Variants in DPF1 observed in about 807,000 individuals in gnomAD.
DPF1 encodes the protein double PHD fingers 1, also known as zinc finger protein neuro-d4.
A neutral mutation model predicts 58.7 loss-of-function variants in DPF1; 14 were observed. That is an observed-to-expected ratio of 0.24 (90% CI 0.16 to 0.37). The LOEUF (loss-of-function observed/expected upper bound fraction) is 0.37. DPF1 is among the 10% of genes least tolerant of loss of function. The pLI, the probability that DPF1 is intolerant of heterozygous loss-of-function variation, is 1.00. For synonymous variants in DPF1, 216 were observed against 216.0 expected (o/e 1.00, Z 0.00); for missense variants, 345 against 529.9 (o/e 0.65, Z 3.43).
At chr19:38,227,447 C>T (rs1323634465), upstream of DPF1, among the ~76,000 whole-genome samples, 3 of 152,060 alleles carry the variant, frequency 2.0e-5, no homozygotes, top group Non-Finnish European at 2.9e-5. Context: ...TTCCTTCTGC[C>T]CTAACCACCT....
chr19:38,217,281 C>A, intron 7 of DPF1, 179 bp downstream of exon 7: 1 of 748,066 alleles, frequency 1.3e-6, no homozygotes. Flanking sequence ...AGCGAAGGAG[C>A]GATGGTTGGT....
intron 6 of DPF1, 85 bp from the exon 7 acceptor site, chr19:38,217,676 C>G (rs565385226): frequency 3.9e-6 from 6 of 1,542,602 alleles, no homozygotes; most frequent in African/African-American, 2.7e-5. Context: ...CACACCTCCC[C>G]CCTCAGCCAG....
At chr19:38,223,856 T>G in intron 1 of DPF1, 1 of 370,064 alleles carries the variant, frequency 2.7e-6, no homozygotes, top group Non-Finnish European at 4.7e-6. Context: ...ACCCGAGGGT[T>G]GCAGGGAAGG....
rs367964029 is a variant in DPF1, at chr19:38,222,511, G to T, written c.190+37C>A. 39 of 1,600,772 alleles carry T rather than the reference G, an allele frequency of 2.4e-5. No individual in the cohort carries two copies. The highest frequency in any genetic ancestry group is 3.3e-5 in the Non-Finnish European group (39 of 1,174,762). ...AGGGCGGCGGCGGTGGGGCGGCCTG[G>T]CCCCGCCCCGCCCTGCGCCAGCCCT... On this transcript the variant is annotated intron_variant, in intron 2 of 11. Coordinates refer to ENST00000355526, the MANE Select transcript of DPF1 (RefSeq NM_001135155.3). The surrounding 1 kb of genome is among the most constrained non-coding windows in gnomAD (Gnocchi z 4.9).
At chr19:38,219,094 G>A in intron 3 of DPF1, 36 bp from the exon 4 acceptor site, 1 of 1,610,648 alleles carries the variant, frequency 6.2e-7, no homozygotes, top group Non-Finnish European at 8.5e-7. Flanking sequence ...AGATGGGGAA[G>A]TTGACCCCGG....
In DPF1 at chr19:38,219,077, G is replaced by A. The variant is rs543390923; in HGVS notation, c.299-19C>T. 9.3e-6 allele frequency: 15 copies of A among 1,612,996 alleles called. No individual in the cohort carries two copies. In the East Asian group the frequency reaches 2.5e-4, roughly 26 times the overall value. On this transcript the variant is annotated intron_variant, in intron 3 of 11. Transcript: ENST00000355526. Reference sequence around the variant, plus strand: ...TCACAGTCTGGGGACAGGGCCATGGGGGGGTCAGATGGGGAAGTTGACCCC... The same window carrying A: ...TCACAGTCTGGGGACAGGGCCATGGAGGGGTCAGATGGGGAAGTTGACCCC...
intron 7 of DPF1, 61 bp downstream of exon 7, chr19:38,217,399 C>CCCCCGG: frequency 8.1e-7 from 1 of 1,233,482 alleles, no homozygotes; most frequent in Non-Finnish European, 1.1e-6. Context: ...CCACCCCCAG[C>CCCCCGG]TGGGCTCCTC....
upstream of DPF1, chr19:38,228,059 T>G (rs894602508): frequency 9.2e-5 from 14 of 152,510 alleles, no homozygotes; most frequent in Admixed American, 5.2e-4. Context: ...AAGAGCCCCG[T>G]TCCCAGCCAT....
At chr19:38,228,598 C>A (rs1270886819), upstream of DPF1, 1 of 151,346 alleles carries the variant, frequency 6.6e-6, no homozygotes, top group Non-Finnish European at 1.5e-5. Flanking sequence ...CGGGAGCGGC[C>A]GAGTGCCTGT....
At chr19:38,217,396 C>CCCCGGGGG in intron 7 of DPF1, 64 bp downstream of exon 7, 2 of 1,225,738 alleles carry the variant, frequency 1.6e-6, no homozygotes, top group Non-Finnish European at 2.2e-6. Context: ...CCCCCACCCC[C>CCCCGGGGG]AGCTGGGCTC....
intron 9 of DPF1, chr19:38,214,054 A>C: frequency 9.2e-6 from 3 of 325,016 alleles, no homozygotes; most frequent in African/African-American, 2.1e-5. Flanking sequence ...CACCCACAAC[A>C]CCGTGGCAAC....
In DPF1 at chr19:38,222,601, C is replaced by T; in HGVS notation, c.137G>A (p.Gly46Asp). 1 of 1,612,030 alleles carries T rather than the reference C, an allele frequency of 6.2e-7. No homozygotes were observed. Among genetic ancestry groups the T allele is most frequent in the Non-Finnish European group, 8.5e-7 (1 of 1,179,224 alleles). Residue 46 changes from glycine (G) to aspartate (D), a missense_variant, in exon 2 of 12, where the codon GGC (glycine) becomes GAC (aspartate). Transcript: ENST00000355526. This position sits in a 1 kb window ranked among gnomAD's most constrained non-coding sequence, Gnocchi z 4.9. Reference protein sequence around the residue: ...LRLPFLDSQTGVAQNNCYIWM... With the variant: ...LRLPFLDSQTDVAQNNCYIWM... ...GATGTAGCAGTTGTTCTGGGCCACG[C>T]CGGTCTGCGAGTCGAGGAAGGGCAG...
At chr19:38,224,359 G>T (rs935309320), upstream of DPF1, 8 of 1,161,362 alleles carry the variant, frequency 6.9e-6, no homozygotes, top group Admixed American at 3.4e-4. This position sits in a 1 kb window ranked among gnomAD's most constrained non-coding sequence, Gnocchi z 4.5. Flanking sequence ...GGACGGCGCG[G>T]AGGAGGGGCC....
Position 38,211,748 on chromosome 19 carries a change from C to A in DPF1, c.*315G>T. On this transcript the variant is annotated 3_prime_UTR_variant, in exon 12 of 12. Transcript: ENST00000355526. The surrounding 1 kb of genome is among the most constrained non-coding windows in gnomAD (Gnocchi z 4.0). The stretch of plus-strand genomic sequence containing the variant: ...TTGTCTTTTTCTTTAGAAAAAGGCT[C>A]TGTCCATGCCCCTGGCTGGCACCCA... The A allele has an allele frequency of 3.0e-6, 1 of 333,992 alleles. No individual in the cohort carries two copies. The highest frequency in any genetic ancestry group is 5.4e-6 in the Non-Finnish European group (1 of 184,966). The allele number at this position is 333,992 out of a possible 1,614,324, so 20.7% of individuals were successfully genotyped here. A position where few individuals can be genotyped will look rare whatever the true frequency, so the allele number is the denominator to read the frequency against.
rs1424160797 is a variant in DPF1 at position 38,222,677 on chromosome 19, C to A, written c.61G>T (p.Glu21Ter). The A allele has an allele frequency of 6.2e-7, 1 of 1,604,464 alleles. No individual in the cohort carries two copies. The highest frequency in any genetic ancestry group is 8.5e-7 in the Non-Finnish European group (1 of 1,176,486). The change falls in exon 2 of 12, where the codon GAG (glutamate) becomes TAG (stop). Residue 21 changes from glutamate (E) to a stop codon, truncating the protein, a stop_gained. Coordinates refer to ENST00000355526, the MANE Select transcript of DPF1 (RefSeq NM_001135155.3). LOFTEE classifies it high-confidence loss of function. This position sits in a 1 kb window ranked among gnomAD's most constrained non-coding sequence, Gnocchi z 4.9. ...LGEDFYREAI[E>*]HCRSYNARLC... is the part of the protein sequence containing the mutation. Reference sequence around the variant, plus strand: ...CGCGCGTTGTAACTGCGGCAGTGCTCGATGGCCTCGCGGTAGAAGTCCTCG... The same window carrying A: ...CGCGCGTTGTAACTGCGGCAGTGCTAGATGGCCTCGCGGTAGAAGTCCTCG...
chr19:38,228,437 T>G (rs1600298315), upstream of DPF1, among the ~76,000 whole-genome samples: 2 of 140,118 alleles, frequency 1.4e-5, no homozygotes. Context: ...ATGTTCAAGG[T>G]CAAGGCAGCC....
chr19:38,211,980 A>C lies in DPF1; in HGVS notation c.*83T>G. 6.9e-7 allele frequency: 1 copy of C among 1,441,142 alleles called. No individual in the cohort carries two copies. The highest frequency in any genetic ancestry group is 9.6e-7 in the Non-Finnish European group (1 of 1,046,588). 89.3% of individuals were successfully genotyped at this position (1,441,142 alleles called of 1,614,324 possible). A position where few individuals can be genotyped will look rare whatever the true frequency, so the allele number is the denominator to read the frequency against. ...CCCCCTCTCCCCCTCCCCCTGCGGG[A>C]TGTTCAGGGTGGGGGAGAATTGAGG... is the stretch of plus-strand genomic sequence containing the variant. On this transcript the variant is annotated 3_prime_UTR_variant, in exon 12 of 12. Transcript: ENST00000355526. The surrounding 1 kb of genome is among the most constrained non-coding windows in gnomAD (Gnocchi z 4.0).
chr19:38,223,918 C>T (rs1967682347), intron 1 of DPF1, 196 bp downstream of exon 1: 2 of 666,658 alleles, frequency 3.0e-6, no homozygotes, highest in African/African-American at 1.9e-5. Flanking sequence ...ACGCCCTCCA[C>T]CCCGCCAGGG....
intron 9 of DPF1, chr19:38,213,992 G>T: frequency 1.9e-6 from 1 of 531,746 alleles, no homozygotes; most frequent in Non-Finnish European, 3.4e-6. Flanking sequence ...TCCCCAGAAC[G>T]CCATGGCAAC....
Sources: allele counts gnomAD v4.1 joint callset (sites outside exome capture counted in the v4.1 genomes callset), GRCh38; gene constraint gnomAD v4.1.1; non-coding constraint Gnocchi (gnomAD v3.1); transcripts MANE v1.5; gene names NCBI Gene and HGNC (gene_info 2026-07-23, HGNC 2026-07-21).